Variants in ZNF438 observed in about 807,000 individuals in gnomAD.
ZNF438 encodes zinc finger protein 438.
Under a neutral mutation model 38.0 loss-of-function variants are expected in ZNF438, and 25 were observed. That is an observed-to-expected ratio of 0.66 (90% CI 0.48 to 0.92). ZNF438 has a LOEUF of 0.92. ZNF438 is among the 40% of genes least tolerant of loss of function. ZNF438 has a pLI of 0.00. For missense variants in ZNF438, 1,007 were observed against 999.6 expected, an observed-to-expected ratio of 1.01 and a Z score of -0.10; for synonymous variants, 372 against 364.1, an observed-to-expected ratio of 1.02 and a Z score of -0.25.
In ZNF438 at chr10:30,941,573, A is replaced by C. The variant is rs1261647756; in HGVS notation, c.-115+2T>G. 1 of 152,222 alleles carries C rather than the reference A, an allele frequency of 6.6e-6. No homozygotes were observed. The highest frequency in any genetic ancestry group is 1.5e-5 in the Non-Finnish European group (1 of 68,038). The allele number at this position is 152,222 out of a possible 1,614,324, so 9.4% of individuals were successfully genotyped here. On this transcript the variant is annotated splice_donor_variant, in intron 2 of 5. Transcript: ENST00000413025. LOFTEE classifies it low-confidence loss of function (5UTR_SPLICE). Reference sequence around the variant, plus strand: ...TACCAAGCTAGATGTGAGCAGACTTACCTGAAGTGATTTGACTTAGCAAAT... The same window carrying C: ...TACCAAGCTAGATGTGAGCAGACTTCCCTGAAGTGATTTGACTTAGCAAAT...
chr10:31,005,563 T>C (rs1212130610), intron 1 of ZNF438, among the ~76,000 whole-genome samples: 1 of 152,052 alleles, frequency 6.6e-6, no homozygotes, highest in African/African-American at 2.4e-5. Flanking sequence ...ATACGCAGGA[T>C]AAAGGGGTCT....
At chr10:30,872,749 C>CAAAAAAAA (rs10633045) in intron 4 of ZNF438, among the ~76,000 whole-genome samples, 9 of 88,822 alleles carry the variant, frequency 1.0e-4, no homozygotes, top group South Asian at 4.9e-4. Flanking sequence ...GACTCTGTCT[C>CAAAAAAAA]AAAAAAAAAA....
chr10:31,001,119 T>C (rs1236941038), intron 1 of ZNF438, among the ~76,000 whole-genome samples: 1 of 152,196 alleles, frequency 6.6e-6, no homozygotes, highest in Admixed American at 6.5e-5. Context: ...TCTTGCTGTA[T>C]GAAAGGCCCA....
intron 2 of ZNF438, among the ~76,000 whole-genome samples, chr10:30,941,247 G>GTTTTAGT (rs2046792165): frequency 6.6e-6 from 1 of 151,852 alleles, no homozygotes; most frequent in Non-Finnish European, 1.5e-5. Context: ...AATTTTTGTA[G>GTTTTAGT]TTTTAGTAGA....
In ZNF438 at chr10:30,904,353, C is replaced by A. The variant is rs565885585; in HGVS notation, c.-32+4580G>T. 2.6e-5 allele frequency among the ~76,000 whole-genome samples: 4 copies of A among 152,294 alleles called. No individual in the cohort carries two copies. The East Asian group carries it at 7.7e-4, about 29-fold the overall frequency. ...TGCCTTACACCTCTCTCCCTTACCT[C>A]CCCTATCTTGGCTTCCACCAAATAG... On this transcript the variant is annotated intron_variant, in intron 3 of 5. Coordinates refer to ENST00000413025, the Ensembl canonical transcript of ZNF438.
intron 1 of ZNF438, among the ~76,000 whole-genome samples, chr10:31,027,614 T>C (rs2057025816): frequency 6.6e-6 from 1 of 152,174 alleles, no homozygotes; most frequent in Non-Finnish European, 1.5e-5. Context: ...TATGCAATTT[T>C]ACTTTATACC....
At chr10:30,945,090 C>A (rs80015118) in intron 1 of ZNF438, among the ~76,000 whole-genome samples, 1 of 150,976 alleles carries the variant, frequency 6.6e-6, no homozygotes, top group African/African-American at 2.4e-5. Context: ...GTTCTAGCAA[C>A]TGAAAGAAAA....
At chr10:30,979,301 T>C (rs1365306143) in intron 1 of ZNF438, among the ~76,000 whole-genome samples, 1 of 152,210 alleles carries the variant, frequency 6.6e-6, no homozygotes, top group Non-Finnish European at 1.5e-5. Context: ...TGCTCATGGA[T>C]AGGAAGAACC....
intron 1 of ZNF438, among the ~76,000 whole-genome samples, chr10:30,953,339 A>C (rs935452283): frequency 3.9e-5 from 6 of 152,216 alleles, no homozygotes; most frequent in African/African-American, 4.8e-5. Flanking sequence ...CCAGCGTGGC[A>C]CATGTATACA....
chr10:31,019,298 C>T (rs1015414663), intron 1 of ZNF438, among the ~76,000 whole-genome samples: 1 of 152,176 alleles, frequency 6.6e-6, no homozygotes, highest in Non-Finnish European at 1.5e-5. Flanking sequence ...AACCTCATCT[C>T]CTAATATTGT....
At chr10:30,933,974 G>A (rs1390328692) in intron 2 of ZNF438, among the ~76,000 whole-genome samples, 6 of 151,922 alleles carry the variant, frequency 3.9e-5, no homozygotes, top group South Asian at 4.2e-4. Context: ...GTGAAACCCC[G>A]TCTCTACTAA....
chr10:30,876,931 G>T, intron 4 of ZNF438, 67 bp downstream of exon 5: 1 of 1,241,222 alleles, frequency 8.1e-7, no homozygotes, highest in South Asian at 1.7e-5. Context: ...AGAGGTCAAT[G>T]ACATTCAATG....
At position 30,849,582 on chromosome 10, in the gene ZNF438, T is replaced by C. The variant is rs756547264; in HGVS notation, c.823A>G (p.Thr275Ala). 7.4e-6 allele frequency: 12 copies of C among 1,614,212 alleles called. No homozygotes were observed. Among genetic ancestry groups the C allele is most frequent in the East Asian group, 2.2e-5 (1 of 44,894 alleles). Residue 275 changes from threonine to alanine, a missense_variant, in exon 5 of 6, where the codon ACC becomes GCC. Transcript: ENST00000413025. ...AACTGAACTGCATTGCCAAGAATGG[T>C]TGGTGATAAATTGGTCATGGTTTTT...
At chr10:30,948,065 C>A (rs1359342603) in intron 1 of ZNF438, among the ~76,000 whole-genome samples, 1 of 152,186 alleles carries the variant, frequency 6.6e-6, no homozygotes, top group Admixed American at 6.5e-5. Context: ...TACGGGCAGA[C>A]TGCCTCCTCA....
intron 1 of ZNF438, among the ~76,000 whole-genome samples, chr10:30,966,338 G>C (rs1443194911): frequency 1.3e-5 from 2 of 151,576 alleles, no homozygotes; most frequent in Non-Finnish European, 2.9e-5. Flanking sequence ...TCAAAAAAAA[G>C]AAAAAAATGA....
At chr10:30,946,180 T>C (rs1482294677) in intron 1 of ZNF438, among the ~76,000 whole-genome samples, 7 of 152,194 alleles carry the variant, frequency 4.6e-5, no homozygotes, top group African/African-American at 1.7e-4. Context: ...TTACACCTTA[T>C]ACAAAAATCA....
intron 3 of ZNF438, among the ~76,000 whole-genome samples, chr10:30,886,949 G>C (rs992228441): frequency 1.3e-5 from 2 of 152,100 alleles, no homozygotes; most frequent in African/African-American, 4.8e-5. Flanking sequence ...TAAATTTTAT[G>C]ATGATTTGAC....
intron 3 of ZNF438, among the ~76,000 whole-genome samples, chr10:30,902,884 G>A (rs1317811472): frequency 6.6e-6 from 1 of 152,226 alleles, no homozygotes; most frequent in African/African-American, 2.4e-5. Flanking sequence ...GGAGGCTCAG[G>A]TGGTGCAGGA....
chr10:30,910,688 A>AG, intron 2 of ZNF438, among the ~76,000 whole-genome samples: 1 of 150,886 alleles, frequency 6.6e-6, no homozygotes, highest in Non-Finnish European at 1.5e-5. Flanking sequence ...TTGGCCAAAA[A>AG]AAAAAAAAAA....
Sources: allele counts gnomAD v4.1 joint callset (sites outside exome capture counted in the v4.1 genomes callset), GRCh38; gene constraint gnomAD v4.1.1; transcripts MANE v1.5; gene names NCBI Gene and HGNC (gene_info 2026-07-23, HGNC 2026-07-21).